The following PDGFC variants were observed in gnomAD, a reference collection of about 807,000 sequenced individuals.
PDGFC encodes platelet derived growth factor C, also known as platelet-derived growth factor C.
A neutral mutation model predicts 35.5 loss-of-function variants in PDGFC; 12 were observed. That is an observed-to-expected ratio of 0.34 (90% CI 0.22 to 0.55). The LOEUF is 0.55. PDGFC is among the 20% of genes least tolerant of loss of function. The probability of loss-of-function intolerance (pLI) is 0.91; values close to 1 mark genes in which losing one functional copy is unlikely to be tolerated. For synonymous variants in PDGFC, 159 were observed against 148.8 expected (o/e 1.07, Z -0.50); for missense variants, 322 against 412.4 (o/e 0.78, Z 1.90).
chr4:156,933,270 G>A lies in PDGFC; in HGVS notation c.118+37516C>T, dbSNP rs565637960. On this transcript the variant is annotated intron_variant, in intron 1 of 5. Coordinates refer to ENST00000502773, the MANE Select transcript of PDGFC (RefSeq NM_016205.3). ...AAGATATCCAAACTTAACTACAGTAGATCCTTACTATTTGTAGATTCCATA... is the reference window on the plus strand; with the variant it reads ...AAGATATCCAAACTTAACTACAGTAAATCCTTACTATTTGTAGATTCCATA... Among the ~76,000 whole-genome samples the A allele has an allele frequency of 4.6e-5, 7 of 152,310 alleles. 1 individual carries two copies. In the South Asian group the frequency reaches 1.5e-3, roughly 32 times the overall value.
At chr4:156,933,140 A>C (rs2110882960) in intron 1 of PDGFC, among the ~76,000 whole-genome samples, 1 of 152,322 alleles carries the variant, frequency 6.6e-6, no homozygotes, top group South Asian at 2.1e-4. Context: ...TTAAAGACCT[A>C]AATGAAGGAA....
intron 1 of PDGFC, among the ~76,000 whole-genome samples, chr4:156,960,039 C>T (rs949714332): frequency 2.0e-5 from 3 of 151,734 alleles, no homozygotes; most frequent in Non-Finnish European, 4.4e-5. Flanking sequence ...TGCTAATATT[C>T]TCAAGAAAAC....
chr4:156,915,580 A>G (rs76519018), intron 1 of PDGFC, among the ~76,000 whole-genome samples: 2,248 of 152,258 alleles, frequency 0.015, 59 homozygotes, highest in African/African-American at 0.051. Context: ...ATCACCTGAG[A>G]TCAGTAGCTT....
At chr4:156,928,694 A>G (rs548702282) in intron 1 of PDGFC, among the ~76,000 whole-genome samples, 1 of 152,160 alleles carries the variant, frequency 6.6e-6, no homozygotes, top group African/African-American at 2.4e-5. Flanking sequence ...GTTTCTTTTT[A>G]CCATTTTTAA....
At chr4:156,969,203 A>G (rs559197443) in intron 1 of PDGFC, among the ~76,000 whole-genome samples, 1 of 152,338 alleles carries the variant, frequency 6.6e-6, no homozygotes, top group East Asian at 1.9e-4. Flanking sequence ...GGCTAGTAAG[A>G]AGCAATATTT....
At chr4:156,803,328 T>C (rs1171792839) in intron 3 of PDGFC, among the ~76,000 whole-genome samples, 9 of 152,126 alleles carry the variant, frequency 5.9e-5, no homozygotes, top group Admixed American at 4.6e-4. Context: ...AATGTAGTCA[T>C]GGTATATAGT....
At chr4:156,906,449 T>C (rs1402710955) in intron 1 of PDGFC, among the ~76,000 whole-genome samples, 3 of 152,182 alleles carry the variant, frequency 2.0e-5, no homozygotes, top group South Asian at 2.1e-4. Context: ...TGATTTACTA[T>C]ATTTTTATAA....
At chr4:156,952,246 A>C (rs953282181) in intron 1 of PDGFC, among the ~76,000 whole-genome samples, 2 of 151,906 alleles carry the variant, frequency 1.3e-5, no homozygotes, top group Admixed American at 6.6e-5. Flanking sequence ...AAGAATTTCA[A>C]GTCACAAACT....
At chr4:156,784,332 T>C (rs1292566832) in intron 3 of PDGFC, among the ~76,000 whole-genome samples, 1 of 152,110 alleles carries the variant, frequency 6.6e-6, no homozygotes, top group Non-Finnish European at 1.5e-5. Context: ...CCTGGAGGTC[T>C]TAGTGATTTT....
intron 1 of PDGFC, among the ~76,000 whole-genome samples, chr4:156,924,372 G>A (rs1379786320): frequency 6.6e-6 from 1 of 152,130 alleles, no homozygotes; most frequent in Non-Finnish European, 1.5e-5. Context: ...ACATACTAAA[G>A]TAAGAAAAAT....
At chr4:156,846,827 TA>T (rs1436066308) in intron 2 of PDGFC, among the ~76,000 whole-genome samples, 1 of 151,190 alleles carries the variant, frequency 6.6e-6, no homozygotes, top group Admixed American at 6.6e-5. Context: ...CTTAGCAAAA[TA>T]AAAACGAAGG....
chr4:156,962,809 A>C (rs574025261), intron 1 of PDGFC, among the ~76,000 whole-genome samples: 1 of 152,116 alleles, frequency 6.6e-6, no homozygotes, highest in African/African-American at 2.4e-5. Flanking sequence ...ACTGCATACT[A>C]TCTGCAAACA....
chr4:156,922,778 C>T (rs142270120), intron 1 of PDGFC, among the ~76,000 whole-genome samples: 10 of 151,900 alleles, frequency 6.6e-5, no homozygotes, highest in Admixed American at 3.3e-4. Flanking sequence ...GTGAAGAGAT[C>T]GAGGAAGCAG....
chr4:156,852,286 T>C (rs1246270819), intron 1 of PDGFC, among the ~76,000 whole-genome samples: 1 of 152,164 alleles, frequency 6.6e-6, no homozygotes, highest in Admixed American at 6.5e-5. Flanking sequence ...GTAAGTATCA[T>C]TGTATTCACT....
intron 1 of PDGFC, among the ~76,000 whole-genome samples, chr4:156,950,072 G>A (rs1444011407): frequency 6.6e-6 from 1 of 151,850 alleles, no homozygotes; most frequent in Non-Finnish European, 1.5e-5. Flanking sequence ...GATTATGAAG[G>A]GGTCTCGAGT....
At chr4:156,928,400 A>C (rs1731467520) in intron 1 of PDGFC, among the ~76,000 whole-genome samples, 1 of 152,132 alleles carries the variant, frequency 6.6e-6, no homozygotes, top group Non-Finnish European at 1.5e-5. Context: ...AAGATTGAAA[A>C]TTCACGCATT....
chr4:156,824,267 C>T (rs546768523), intron 2 of PDGFC, among the ~76,000 whole-genome samples: 102 of 133,954 alleles, frequency 7.6e-4, no homozygotes, highest in Non-Finnish European at 1.3e-3. Flanking sequence ...GAATTTAACC[C>T]GTCTAGAACA....
chr4:156,969,068 G>A (rs1437984955), intron 1 of PDGFC, among the ~76,000 whole-genome samples: 1 of 152,188 alleles, frequency 6.6e-6, no homozygotes, highest in Non-Finnish European at 1.5e-5. Context: ...AAAGAGATTC[G>A]GGCAGATGCC....
chr4:156,832,854 C>G (rs1728978546), intron 2 of PDGFC, among the ~76,000 whole-genome samples: 1 of 152,308 alleles, frequency 6.6e-6, no homozygotes, highest in South Asian at 2.1e-4. Context: ...TGTATGTGGG[C>G]AGTCCTGCAA....
Sources: gnomAD v4.1 joint callset for allele counts (sites outside exome capture counted in the v4.1 genomes callset) on GRCh38, gnomAD v4.1.1 for gene constraint, MANE v1.5 for transcripts, NCBI Gene and HGNC (gene_info 2026-07-23, HGNC 2026-07-21) for gene names.